The following RBFOX1 variants were observed in gnomAD, a reference collection of about 807,000 sequenced individuals.
The protein encoded by RBFOX1 is RNA binding protein fox-1 homolog 1.
Under a neutral mutation model 57.7 loss-of-function variants are expected in RBFOX1, and 8 were observed. The observed-to-expected ratio is 0.14, with a 90% CI of 0.08 to 0.25. RBFOX1 has a LOEUF of 0.25. Among genes scored for constraint, RBFOX1 ranks in the 10% least tolerant of loss-of-function variants. RBFOX1 has a pLI of 1.00. For synonymous variants in RBFOX1, 326 were observed against 222.4 expected, an observed-to-expected ratio of 1.47 and a Z score of -4.15; for missense variants, 611 against 548.5, an observed-to-expected ratio of 1.11 and a Z score of -1.14.
chr16:5,350,311 T>G (rs1244780827), intron 1 of RBFOX1, among the ~76,000 whole-genome samples: 1 of 152,168 alleles, frequency 6.6e-6, no homozygotes, highest in Non-Finnish European at 1.5e-5. Context: ...TACTGTTGGC[T>G]GCCTGGTGGT....
intron 3 of RBFOX1, among the ~76,000 whole-genome samples, chr16:6,760,338 TC>T (rs929367224): frequency 7.9e-5 from 12 of 152,286 alleles, no homozygotes; most frequent in African/African-American, 2.6e-4. Context: ...GGAAGGGGAA[TC>T]AAGATGGTTT....
chr16:6,556,370 C>G (rs895923059), intron 2 of RBFOX1, among the ~76,000 whole-genome samples: 2 of 152,162 alleles, frequency 1.3e-5, no homozygotes, highest in Non-Finnish European at 1.5e-5. Context: ...ACTGTGCCGG[C>G]TCTCCTTTTA....
chr16:6,972,231 A>C (rs780090927), intron 3 of RBFOX1, among the ~76,000 whole-genome samples: 1 of 152,116 alleles, frequency 6.6e-6, no homozygotes, highest in African/African-American at 2.4e-5. Flanking sequence ...CTCTGTATCT[A>C]TTAACTCTGT....
intron 3 of RBFOX1, among the ~76,000 whole-genome samples, chr16:6,735,156 ACAACAACAACAT>A (rs961001607): frequency 7.3e-6 from 1 of 137,414 alleles, no homozygotes; most frequent in African/African-American, 3.1e-5. Flanking sequence ...CTCAACAAAA[ACAACAACAACAT>A]CAACAACAAC....
chr16:5,934,316 C>T (rs767416213), intron 4 of RBFOX1, among the ~76,000 whole-genome samples: 6 of 152,228 alleles, frequency 3.9e-5, no homozygotes, highest in Non-Finnish European at 5.9e-5. Flanking sequence ...ACAGTGGTAC[C>T]CAGCTCATTG....
chr16:6,181,737 G>C (rs1398898372), intron 1 of RBFOX1, among the ~76,000 whole-genome samples: 2 of 152,128 alleles, frequency 1.3e-5, no homozygotes, highest in Non-Finnish European at 2.9e-5. Context: ...ATAAGATCCT[G>C]TCATCTATTA....
intron 2 of RBFOX1, among the ~76,000 whole-genome samples, chr16:6,344,651 C>G (rs554597115): frequency 1.3e-4 from 20 of 150,096 alleles, no homozygotes; most frequent in Admixed American, 7.3e-4. Flanking sequence ...CCTGCCTCGG[C>G]CTCCCAAAGT....
intron 3 of RBFOX1, among the ~76,000 whole-genome samples, chr16:6,770,308 C>T (rs1047775291): frequency 2.0e-5 from 3 of 152,154 alleles, no homozygotes; most frequent in Non-Finnish European, 2.9e-5. Flanking sequence ...GCAATTGAAA[C>T]TGTACAAATC....
chr16:6,691,062 G>A (rs2060137273), intron 3 of RBFOX1, among the ~76,000 whole-genome samples: 1 of 152,116 alleles, frequency 6.6e-6, no homozygotes, highest in Non-Finnish European at 1.5e-5. Flanking sequence ...TGTTCCTTCT[G>A]ATTGTTAACA....
intron 2 of RBFOX1, among the ~76,000 whole-genome samples, chr16:6,360,290 A>T (rs767450605): frequency 4.6e-5 from 7 of 152,044 alleles, no homozygotes; most frequent in Non-Finnish European, 1.0e-4. Flanking sequence ...TCCATGAAAG[A>T]TCATGAGGTG....
chr16:6,878,238 G>C (rs1360978421), intron 3 of RBFOX1, among the ~76,000 whole-genome samples: 2 of 152,178 alleles, frequency 1.3e-5, no homozygotes, highest in African/African-American at 4.8e-5. Context: ...TTTCTTCCCT[G>C]CTGAGCACTG....
intron 3 of RBFOX1, among the ~76,000 whole-genome samples, chr16:6,994,790 C>T (rs558534490): frequency 6.6e-6 from 1 of 152,118 alleles, no homozygotes; most frequent in Non-Finnish European, 1.5e-5. Flanking sequence ...TGTTACCGAC[C>T]AAATTGCATG....
At chr16:5,452,041 T>C (rs592316) in intron 1 of RBFOX1, among the ~76,000 whole-genome samples, 5,871 of 151,808 alleles carry the variant, frequency 0.039, 241 homozygotes, top group African/African-American at 0.1. Context: ...GTTCCTCTCC[T>C]AGGTTAATGC....
At chr16:6,673,246 C>G (rs747196411) in intron 3 of RBFOX1, among the ~76,000 whole-genome samples, 1 of 152,070 alleles carries the variant, frequency 6.6e-6, no homozygotes, top group Admixed American at 6.5e-5. Flanking sequence ...TCTCTGATCC[C>G]AAAGGTCCCT....
In RBFOX1 at chr16:5,427,119, G is replaced by A. The variant is rs115863499; in HGVS notation, c.220-40097G>A. ...TCCACTGTCCCTTCCCTGTCATCCT[G>A]ATGTGTCCGCAGATGCTGTGTTCTG... On this transcript the variant is annotated intron_variant, in intron 1 of 2. Coordinates refer to the RBFOX1 transcript ENST00000585867. Among the ~76,000 whole-genome samples, 79 of 152,302 alleles carry A rather than the reference G, an allele frequency of 5.2e-4. 1 individual carries two copies. Among genetic ancestry groups the A allele is most frequent in the African/African-American group, 1.9e-3 (77 of 41,560 alleles).
At chr16:6,139,282 G>T (rs764156347) in intron 1 of RBFOX1, among the ~76,000 whole-genome samples, 1 of 152,102 alleles carries the variant, frequency 6.6e-6, no homozygotes, top group East Asian at 1.9e-4. Context: ...TGAGTGATAC[G>T]ATCGTTTCAG....
intron 3 of RBFOX1, among the ~76,000 whole-genome samples, chr16:6,969,630 G>C (rs1230706705): frequency 6.6e-6 from 1 of 152,124 alleles, no homozygotes; most frequent in African/African-American, 2.4e-5. Flanking sequence ...TGTAGTCTCA[G>C]CTACTCGGGA....
chr16:5,935,655 C>G (rs974364707), intron 4 of RBFOX1, among the ~76,000 whole-genome samples: 3 of 152,138 alleles, frequency 2.0e-5, no homozygotes, highest in Non-Finnish European at 4.4e-5. Context: ...TTAGCTGACC[C>G]TAGGAAGGGC....
rs549424285 is a variant in RBFOX1, at chr16:6,139,018, A to C, written c.-127+119026A>C. ...GCAGAGATTGTGGGGCACCATCTTGAAGTCTGTTACCTGCAATTATTATTA... is the reference window on the plus strand; with the variant it reads ...GCAGAGATTGTGGGGCACCATCTTGCAGTCTGTTACCTGCAATTATTATTA... On this transcript the variant is annotated intron_variant, in intron 1 of 15. Transcript: ENST00000550418. 1.5e-4 allele frequency among the ~76,000 whole-genome samples: 23 copies of C among 152,312 alleles called. No individual in the cohort carries two copies. The South Asian group carries it at 4.6e-3, about 30-fold the overall frequency.
Sources: gnomAD v4.1 joint callset for allele counts (sites outside exome capture counted in the v4.1 genomes callset) on GRCh38, gnomAD v4.1.1 for gene constraint, MANE v1.5 for transcripts, NCBI Gene and HGNC (gene_info 2026-07-23, HGNC 2026-07-21) for gene names.